RYR3: variants seen among roughly 807,000 people sequenced by gnomAD.
The protein encoded by RYR3 is ryanodine receptor 3, also known as brain ryanodine receptor-calcium release channel.
In RYR3, 207 loss-of-function variants were observed where a neutral mutation model predicts 584.3. The observed-to-expected ratio is 0.35, with a 90% CI of 0.32 to 0.40. The LOEUF is 0.40. Ranked by LOEUF, RYR3 falls within the 10% of genes least tolerant of loss-of-function variation. The pLI is 1.00. For synonymous variants in RYR3, 2,416 were observed against 2,248.5 expected, an observed-to-expected ratio of 1.07 and a Z score of -2.11; for missense variants, 5,616 against 6,089.2, an observed-to-expected ratio of 0.92 and a Z score of 2.59.
intron 30 of RYR3, among the ~76,000 whole-genome samples, chr15:33,648,124 C>G (rs185053656): frequency 6.6e-6 from 1 of 152,132 alleles, no homozygotes; most frequent in African/African-American, 2.4e-5. Context: ...CTCACTTAGT[C>G]TGTGGGGGAC....
chr15:33,844,725 A>C (rs979920607), intron 92 of RYR3, 137 bp from the exon 93 acceptor site: 9 of 735,986 alleles, frequency 1.2e-5, no homozygotes, highest in Non-Finnish European at 2.0e-5. Context: ...GTCACCTAAA[A>C]ACCTCATTCA....
chr15:33,406,014 T>G (rs71462866), intron 1 of RYR3, among the ~76,000 whole-genome samples: 7,987 of 152,298 alleles, frequency 0.052, 293 homozygotes, highest in Non-Finnish European at 0.077. Flanking sequence ...GTGGCTCTGC[T>G]TAGTTTATGC....
intron 24 of RYR3, among the ~76,000 whole-genome samples, chr15:33,633,725 CAT>C (rs1379982147): frequency 6.6e-6 from 1 of 152,146 alleles, no homozygotes; most frequent in African/African-American, 2.4e-5. Context: ...GCATGTTATA[CAT>C]ATGAGTTTGG....
intron 38 of RYR3, among the ~76,000 whole-genome samples, chr15:33,687,951 A>G (rs2065133038): frequency 6.6e-6 from 1 of 152,260 alleles, no homozygotes; most frequent in Admixed American, 6.5e-5. Context: ...ACCTAAAACC[A>G]TAAAAACCGT....
At position 33,336,166 on chromosome 15, in the gene RYR3, A is replaced by C. The variant is rs535587080; in HGVS notation, c.51+25070A>C. ...GATAAAAAGATCAGCAAAAAGCACC[A>C]TGAGCCTGTAATCTCAGCACTTTGG... On this transcript the variant is annotated intron_variant, in intron 1 of 103. Coordinates refer to ENST00000634891, the MANE Select transcript of RYR3 (RefSeq NM_001036.6). Among the ~76,000 whole-genome samples the C allele has an allele frequency of 8.1e-4, 123 of 152,170 alleles. No homozygotes were observed. In the South Asian group the frequency reaches 0.024, roughly 30 times the overall value.
intron 5 of RYR3, among the ~76,000 whole-genome samples, chr15:33,538,125 T>C (rs957467): frequency 0.63 from 96,030 of 151,950 alleles, 31,390 homozygotes; most frequent in Middle Eastern, 0.76. Flanking sequence ...CATTTGTTCT[T>C]TATAATCTTT....
intron 2 of RYR3, among the ~76,000 whole-genome samples, chr15:33,493,286 T>A (rs889200413): frequency 6.6e-6 from 1 of 152,158 alleles, no homozygotes; most frequent in Admixed American, 6.6e-5. Flanking sequence ...ATCTCCCGTT[T>A]GACATTCTGC....
At chr15:33,642,364 T>G (rs547781336) in intron 27 of RYR3, among the ~76,000 whole-genome samples, 1 of 152,366 alleles carries the variant, frequency 6.6e-6, no homozygotes, top group African/African-American at 2.4e-5. Context: ...TTCATGATCT[T>G]CATGTTCATG....
intron 43 of RYR3, chr15:33,722,397 G>A (rs2068002261): frequency 8.8e-6 from 3 of 340,380 alleles, no homozygotes; most frequent in South Asian, 4.1e-5. Context: ...CTGTAATGGT[G>A]GATCTTAATA....
intron 60 of RYR3, among the ~76,000 whole-genome samples, chr15:33,767,519 G>A (rs755643827): frequency 3.2e-5 from 1 of 31,390 alleles, no homozygotes; most frequent in Non-Finnish European, 6.2e-5. Flanking sequence ...AAGACTCAGG[G>A]CATTTATTGA....
At chr15:33,345,146 C>T (rs184036876) in intron 1 of RYR3, among the ~76,000 whole-genome samples, 1 of 151,806 alleles carries the variant, frequency 6.6e-6, no homozygotes, top group African/African-American at 2.4e-5. Context: ...GATAGAGTTG[C>T]CAAAATCTAT....
intron 16 of RYR3, among the ~76,000 whole-genome samples, chr15:33,592,039 G>A (rs1426659668): frequency 1.3e-5 from 2 of 152,198 alleles, no homozygotes; most frequent in Non-Finnish European, 2.9e-5. Flanking sequence ...AAAGCAAAAT[G>A]AGAGGCTCTC....
chr15:33,641,271 C>A (rs2152663544), intron 27 of RYR3, among the ~76,000 whole-genome samples: 1 of 152,358 alleles, frequency 6.6e-6, no homozygotes, highest in Admixed American at 6.5e-5. Flanking sequence ...GCTGACTCTG[C>A]AGTTTACCAG....
intron 32 of RYR3, among the ~76,000 whole-genome samples, chr15:33,658,821 T>A (rs2062972914): frequency 1.3e-5 from 2 of 152,202 alleles, no homozygotes; most frequent in African/African-American, 4.8e-5. Context: ...TTCATCTAAG[T>A]GGCAGCTGCA....
chr15:33,763,436 C>T (rs2072686934), intron 60 of RYR3, among the ~76,000 whole-genome samples: 1 of 151,888 alleles, frequency 6.6e-6, no homozygotes, highest in Non-Finnish European at 1.5e-5. Context: ...AAAACAACCC[C>T]ATCAAAAACG....
intron 47 of RYR3, among the ~76,000 whole-genome samples, chr15:33,730,326 A>G (rs949447353): frequency 3.9e-5 from 4 of 102,886 alleles, no homozygotes; most frequent in Non-Finnish European, 9.5e-5. Context: ...TCCAAACACC[A>G]TCTACAACAA....
At chr15:33,356,976 G>A (rs1047926894) in intron 1 of RYR3, among the ~76,000 whole-genome samples, 2 of 152,146 alleles carry the variant, frequency 1.3e-5, no homozygotes, top group African/African-American at 4.8e-5. Context: ...CTTATGGCTG[G>A]TGACTCATGC....
intron 1 of RYR3, among the ~76,000 whole-genome samples, chr15:33,316,557 G>A (rs1007340653): frequency 6.6e-6 from 1 of 152,076 alleles, no homozygotes; most frequent in African/African-American, 2.4e-5. Context: ...AAAAAAAAAT[G>A]AGCTTAGAGG....
chr15:33,478,721 C>G (rs2049667547), intron 2 of RYR3, among the ~76,000 whole-genome samples: 1 of 152,162 alleles, frequency 6.6e-6, no homozygotes, highest in African/African-American at 2.4e-5. Flanking sequence ...ACTACTATGG[C>G]CTTGTTAGAT....
Sources: allele counts gnomAD v4.1 joint callset (sites outside exome capture counted in the v4.1 genomes callset), GRCh38; gene constraint gnomAD v4.1.1; transcripts MANE v1.5; gene names NCBI Gene and HGNC (gene_info 2026-07-23, HGNC 2026-07-21).